Variants in ANKRD31 observed in about 807,000 individuals in gnomAD.
ANKRD31 encodes ankyrin repeat domain-containing protein 31.
ANKRD31 carries 147 observed loss-of-function variants against 186.0 expected under a neutral mutation model. That is an observed-to-expected ratio of 0.79 (90% CI 0.69 to 0.91). The LOEUF (loss-of-function observed/expected upper bound fraction) is 0.91, where lower values mean the gene tolerates loss of function less well. Among genes scored for constraint, ANKRD31 ranks in the 40% least tolerant of loss-of-function variants. The pLI is 0.00. For synonymous variants in ANKRD31, 673 were observed against 736.4 expected (o/e 0.91, Z 1.39); for missense variants, 1,986 against 2,148.8 (o/e 0.92, Z 1.50).
In ANKRD31 at chr5:75,146,010, T is replaced by C. The variant is rs1454827526; in HGVS notation, c.3401A>G (p.Lys1134Arg). 4.0e-6 allele frequency: 6 copies of C among 1,491,574 alleles called. No homozygotes were observed. The highest frequency in any genetic ancestry group is 5.3e-6 in the Non-Finnish European group (6 of 1,128,620). The allele number at this position is 1,491,574 out of a possible 1,614,324, so 92.4% of individuals were successfully genotyped here. ...ACCTGGTTTGTGAGAAATTTCCTTC[T>C]TTTCTCTTTGACTAAGTTTTGAGAT... ...ANISKLSQRE[K>R]KEISHKPDEE... Residue 1134 changes from lysine (K) to arginine (R), a missense_variant, in exon 14 of 26, where the codon AAG (lysine) becomes AGG (arginine). By Grantham distance (26) the Lys-to-Arg change is conservative. Coordinates refer to ENST00000506364, the MANE Select transcript of ANKRD31 (RefSeq NM_001372053.1).
intron 22 of ANKRD31, among the ~76,000 whole-genome samples, chr5:75,101,287 G>A (rs4320242): frequency 0.5 from 76,728 of 151,986 alleles, 22,322 homozygotes; most frequent in African/African-American, 0.81. Flanking sequence ...TTTCTGCCAA[G>A]AGATCTGCTG....
intron 12 of ANKRD31, among the ~76,000 whole-genome samples, chr5:75,150,151 G>A (rs1751747720): frequency 6.6e-6 from 1 of 151,844 alleles, no homozygotes; most frequent in Non-Finnish European, 1.5e-5. Flanking sequence ...GGTAGATGCA[G>A]AGATATTATA....
intron 10 of ANKRD31, among the ~76,000 whole-genome samples, chr5:75,183,883 C>T (rs1754501752): frequency 6.6e-6 from 1 of 151,942 alleles, no homozygotes. Flanking sequence ...ATACCAATGA[C>T]ATTCATCACA....
intron 25 of ANKRD31, 70 bp downstream of exon 25, chr5:75,080,498 A>G (rs1420551693): frequency 2.8e-6 from 3 of 1,066,608 alleles, no homozygotes; most frequent in Non-Finnish European, 4.0e-6. Flanking sequence ...TATTTGATCT[A>G]TTTGCACAAT....
At chr5:75,227,569 A>T (rs1156372123) in intron 2 of ANKRD31, among the ~76,000 whole-genome samples, 1 of 152,170 alleles carries the variant, frequency 6.6e-6, no homozygotes, top group African/African-American at 2.4e-5. Context: ...ATTAAAAATT[A>T]AAAAAAGAAA....
chr5:75,134,608 C>G (rs956563208), intron 17 of ANKRD31, among the ~76,000 whole-genome samples: 3 of 152,176 alleles, frequency 2.0e-5, no homozygotes, highest in Non-Finnish European at 4.4e-5. Flanking sequence ...GGTACCATTC[C>G]TTCTGAAACT....
chr5:75,177,680 T>A (rs1753918886), intron 10 of ANKRD31, among the ~76,000 whole-genome samples: 1 of 152,078 alleles, frequency 6.6e-6, no homozygotes, highest in Admixed American at 6.5e-5. Flanking sequence ...GACAAGCAAA[T>A]GCTGAGAGAT....
At chr5:75,119,991 G>A (rs546407307) in intron 17 of ANKRD31, among the ~76,000 whole-genome samples, 1 of 151,986 alleles carries the variant, frequency 6.6e-6, no homozygotes, top group African/African-American at 2.4e-5. Context: ...GTGATATTTT[G>A]GGGAGAAAAA....
intron 3 of ANKRD31, among the ~76,000 whole-genome samples, chr5:75,215,577 G>T (rs1756913927): frequency 6.6e-6 from 1 of 152,064 alleles, no homozygotes; most frequent in African/African-American, 2.4e-5. Flanking sequence ...TGAGGAGTAT[G>T]AAATATTTTT....
intron 2 of ANKRD31, among the ~76,000 whole-genome samples, chr5:75,224,395 A>G (rs995212271): frequency 1.1e-4 from 17 of 151,824 alleles, no homozygotes; most frequent in African/African-American, 4.1e-4. Context: ...AATATATTAT[A>G]CTAAAGCTAA....
At chr5:75,118,367 C>A in intron 17 of ANKRD31, 70 bp from the exon 18 acceptor site, 1 of 1,240,814 alleles carries the variant, frequency 8.1e-7, no homozygotes, top group Non-Finnish European at 1.0e-6. Context: ...TCATCACAAA[C>A]ACCACTGCCA....
chr5:75,171,266 T>A (rs891817293), intron 10 of ANKRD31, among the ~76,000 whole-genome samples: 42 of 152,036 alleles, frequency 2.8e-4, no homozygotes, highest in African/African-American at 9.7e-4. Flanking sequence ...TCATGTAAAA[T>A]GTATCCTTTA....
At chr5:75,137,531 ATAAT>A (rs1440771838) in intron 17 of ANKRD31, among the ~76,000 whole-genome samples, 1 of 152,206 alleles carries the variant, frequency 6.6e-6, no homozygotes, top group African/African-American at 2.4e-5. Flanking sequence ...TATCATCACT[ATAAT>A]TAGACTCTTC....
chr5:75,098,939 T>C (rs940960975), intron 22 of ANKRD31, among the ~76,000 whole-genome samples: 1 of 152,350 alleles, frequency 6.6e-6, no homozygotes, highest in East Asian at 1.9e-4. Flanking sequence ...TCCTGCCTGA[T>C]TGCCCTGGCC....
At chr5:75,191,587 A>C (rs1348319194) in intron 9 of ANKRD31, among the ~76,000 whole-genome samples, 2 of 152,080 alleles carry the variant, frequency 1.3e-5, no homozygotes, top group Non-Finnish European at 2.9e-5. Flanking sequence ...AAAATTAGCA[A>C]ATAAATAAAA....
Position 75,091,276 on chromosome 5 carries a change from A to G in ANKRD31, c.5457T>C (p.Asn1819=), listed in dbSNP as rs532186828. ...LLGGNSYVTW[N]YAWSKVTYLG... ...AATGACCCACCTTACTCCAAGCATA[A>G]TTCCAGGTCACATAACTGTTGCCTC... The change falls in exon 23 of 26, where the codon AAT becomes AAC. Residue 1819 remains asparagine, a synonymous_variant. Transcript: ENST00000506364. 2 of 1,536,342 alleles carry G rather than the reference A, an allele frequency of 1.3e-6. No individual in the cohort carries two copies. Among genetic ancestry groups the G allele is most frequent in the South Asian group, 1.2e-5 (1 of 83,886 alleles).
chr5:75,084,252 G>A lies in ANKRD31; in HGVS notation c.5575+20C>T, dbSNP rs1428931072. On this transcript the variant is annotated intron_variant, in intron 24 of 25. Coordinates refer to ENST00000506364, the MANE Select transcript of ANKRD31 (RefSeq NM_001372053.1). ...GTGTTTTATCCCACAACGAAGAAAT[G>A]AGTGTTGTTCTGTACATACCTGGAA... The A allele has an allele frequency of 2.0e-6, 3 of 1,500,910 alleles. No individual in the cohort carries two copies. The highest frequency in any genetic ancestry group is 2.7e-6 in the Non-Finnish European group (3 of 1,115,898). The allele number at this position is 1,500,910 out of a possible 1,614,324, so 93.0% of individuals were successfully genotyped here. A position where few individuals can be genotyped will look rare whatever the true frequency, so the allele number is the denominator to read the frequency against.
intron 20 of ANKRD31, 59 bp downstream of exon 20, chr5:75,112,454 T>C: frequency 8.5e-7 from 1 of 1,180,598 alleles, no homozygotes. Context: ...AATATGTACC[T>C]TAAGAAGATG....
intron 17 of ANKRD31, among the ~76,000 whole-genome samples, chr5:75,127,799 A>G (rs1749369523): frequency 6.6e-6 from 1 of 152,178 alleles, no homozygotes; most frequent in Non-Finnish European, 1.5e-5. Flanking sequence ...GTCTTCTTTA[A>G]TTACTCTCAG....
Sources: gnomAD v4.1 joint callset for allele counts (sites outside exome capture counted in the v4.1 genomes callset) on GRCh38, gnomAD v4.1.1 for gene constraint, MANE v1.5 for transcripts, NCBI Gene and HGNC (gene_info 2026-07-23, HGNC 2026-07-21) for gene names.